Variants in DSCAML1 observed in about 807,000 individuals in gnomAD.
DSCAML1 encodes the protein DS cell adhesion molecule like 1.
DSCAML1 carries 38 observed loss-of-function variants against 200.5 expected under a neutral mutation model. That is an observed-to-expected ratio of 0.19 (90% CI 0.15 to 0.25). DSCAML1 has a LOEUF of 0.25. Among genes scored for constraint, DSCAML1 ranks in the 10% least tolerant of loss-of-function variants. The pLI, the probability that DSCAML1 is intolerant of heterozygous loss-of-function variation, is 1.00. For synonymous variants in DSCAML1, 1,215 were observed against 1,165.0 expected (o/e 1.04, Z -0.87); for missense variants, 2,223 against 2,858.8 (o/e 0.78, Z 5.07).
rs542521180 is a variant in DSCAML1, at chr11:117,747,692, T to G, written c.511+29099A>C. Among the ~76,000 whole-genome samples, 10 of 152,238 alleles carry G rather than the reference T, an allele frequency of 6.6e-5. No homozygotes were observed. In the East Asian group the frequency reaches 1.9e-3, roughly 29 times the overall value. ...TCAGGGACCTTGCAGCTTCTCAACC[T>G]CAGAGAGACCGCCTGTGTCCTCTGA... On this transcript the variant is annotated intron_variant, in intron 3 of 32. Coordinates refer to ENST00000651296, the MANE Select transcript of DSCAML1 (RefSeq NM_020693.4).
intron 23 of DSCAML1, 98 bp from the exon 24 acceptor site, chr11:117,439,081 C>T (rs771583003): frequency 2.2e-6 from 3 of 1,357,138 alleles, no homozygotes; most frequent in African/African-American, 1.5e-5. Context: ...CTCTCCCACA[C>T]CCTCACTCCC....
At chr11:117,763,994 C>T (rs1488851715) in intron 3 of DSCAML1, among the ~76,000 whole-genome samples, 1 of 152,162 alleles carries the variant, frequency 6.6e-6, no homozygotes. Context: ...AACTTGATTC[C>T]TTTCCTGCAC....
intron 3 of DSCAML1, among the ~76,000 whole-genome samples, chr11:117,746,564 C>T (rs7942226): frequency 0.79 from 119,717 of 152,142 alleles, 51,052 homozygotes; most frequent in Non-Finnish European, 0.94. Context: ...CCTCCCTCCG[C>T]GCTGCCATTG....
In DSCAML1 at chr11:117,428,547, G is replaced by A. The variant is rs558725278; in HGVS notation, c.5943C>T (p.Ala1981=). 4.6e-5 allele frequency: 70 copies of A among 1,534,874 alleles called. 1 individual carries two copies. Among genetic ancestry groups the A allele is most frequent in the South Asian group, 8.4e-5 (7 of 83,636 alleles). ...GGCCGGGGGCTGGGGGGGCTGTGCC[G>A]GCTGGGGGGGCTGGCATGGCCAGAG... The part of the protein sequence containing the change: ...QRTLAMPAPP[A]GTAPPAPGPT... Residue 1981 remains alanine (A), a synonymous_variant, in exon 33 of 33, where the codon GCC becomes GCT. Coordinates refer to ENST00000651296, the MANE Select transcript of DSCAML1 (RefSeq NM_020693.4).
chr11:117,610,852 C>CA (rs1555190087), intron 3 of DSCAML1, among the ~76,000 whole-genome samples: 11 of 123,644 alleles, frequency 8.9e-5, no homozygotes, highest in African/African-American at 1.4e-4. Flanking sequence ...CCCCCCCCCC[C>CA]ACAATGTGTT....
At chr11:117,697,159 C>A (rs1187620018) in intron 3 of DSCAML1, among the ~76,000 whole-genome samples, 3 of 152,198 alleles carry the variant, frequency 2.0e-5, no homozygotes, top group African/African-American at 7.2e-5. Flanking sequence ...AGCATTGAGT[C>A]AGCAGCACTA....
chr11:117,692,392 TA>T (rs1033344042), intron 3 of DSCAML1, among the ~76,000 whole-genome samples: 4 of 152,010 alleles, frequency 2.6e-5, no homozygotes, highest in African/African-American at 9.6e-5. Flanking sequence ...TACCAAAAGG[TA>T]AAGGCCTTTT....
At chr11:117,792,029 T>G (rs1374311262) in intron 1 of DSCAML1, among the ~76,000 whole-genome samples, 1 of 152,232 alleles carries the variant, frequency 6.6e-6, no homozygotes, top group African/African-American at 2.4e-5. Flanking sequence ...TCCAAATTTC[T>G]ACCACACCAG....
intron 32 of DSCAML1, among the ~76,000 whole-genome samples, chr11:117,429,412 C>A (rs1351101047): frequency 1.3e-5 from 2 of 151,698 alleles, no homozygotes; most frequent in African/African-American, 4.8e-5. Flanking sequence ...TTCCTAATTT[C>A]TTTTTTTTTG....
chr11:117,737,066 T>C (rs2054330249), intron 3 of DSCAML1, among the ~76,000 whole-genome samples: 1 of 152,096 alleles, frequency 6.6e-6, no homozygotes, highest in Non-Finnish European at 1.5e-5. Context: ...AGGCTCCAGG[T>C]GAGAGATCTG....
chr11:117,816,802 G>GT (rs1243468982), intron 1 of DSCAML1, among the ~76,000 whole-genome samples: 1 of 109,350 alleles, frequency 9.1e-6, no homozygotes, highest in East Asian at 2.8e-4. Flanking sequence ...AATTGCTGGG[G>GT]GGGTGGGGTG....
intron 14 of DSCAML1, among the ~76,000 whole-genome samples, chr11:117,476,284 C>T (rs968025379): frequency 5.3e-5 from 8 of 152,110 alleles, no homozygotes; most frequent in Non-Finnish European, 1.0e-4. Context: ...GTAGAGGGGA[C>T]GCAGCTTGGA....
At chr11:117,585,650 G>C (rs1464724871) in intron 3 of DSCAML1, among the ~76,000 whole-genome samples, 1 of 152,122 alleles carries the variant, frequency 6.6e-6, no homozygotes, top group African/African-American at 2.4e-5. Flanking sequence ...AGGACGATGG[G>C]GGTGTGACCC....
Position 117,749,143 on chromosome 11 carries a change from A to G in DSCAML1, c.511+27648T>C, listed in dbSNP as rs2054561901. Among the ~76,000 whole-genome samples, 3 of 152,322 alleles carry G rather than the reference A, an allele frequency of 2.0e-5. No individual in the cohort carries two copies. The East Asian group carries it at 5.8e-4, about 29-fold the overall frequency. On this transcript the variant is annotated intron_variant, in intron 3 of 32. Coordinates refer to ENST00000651296, the MANE Select transcript of DSCAML1 (RefSeq NM_020693.4). ...CGAAAGGATGAGGCCCAGAACTACC[A>G]GCTCCTCCTCCAGCCCCCTCTGCCC...
At position 117,448,638 on chromosome 11, in the gene DSCAML1, T is replaced by TGTGG. The variant is rs1555169781; in HGVS notation, c.3708+1910_3708+1911insCCAC. ...AGAGCCTAGAATGTGTGTGTGTGTG[T>TGTGG]GGGGGGTGGGTAGAGTTGGGGGGAG... On this transcript the variant is annotated intron_variant, in intron 20 of 32. Transcript: ENST00000651296. Among the ~76,000 whole-genome samples, 192 of 135,228 alleles carry TGTGG rather than the reference T, an allele frequency of 1.4e-3. 1 individual carries two copies. The highest frequency in any genetic ancestry group is 4.9e-3 in the African/African-American group (176 of 35,826). The allele number at this position is 135,228 out of a possible 152,430, so 88.7% of individuals were successfully genotyped here.
intron 3 of DSCAML1, among the ~76,000 whole-genome samples, chr11:117,564,507 C>T (rs1025498486): frequency 6.6e-6 from 1 of 152,182 alleles, no homozygotes; most frequent in Non-Finnish European, 1.5e-5. Context: ...GGCTTCTTTG[C>T]TGCCCCTGAA....
chr11:117,554,670 C>G (rs1445673262), intron 3 of DSCAML1, among the ~76,000 whole-genome samples: 1 of 152,194 alleles, frequency 6.6e-6, no homozygotes, highest in African/African-American at 2.4e-5. Context: ...AGCCACCGCG[C>G]CCGGCCTGGC....
At chr11:117,793,720 C>T (rs1364178334) in intron 1 of DSCAML1, among the ~76,000 whole-genome samples, 1 of 152,202 alleles carries the variant, frequency 6.6e-6, no homozygotes, top group Non-Finnish European at 1.5e-5. Flanking sequence ...AACTAAGCCT[C>T]TCTGTCCAGT....
intron 6 of DSCAML1, among the ~76,000 whole-genome samples, chr11:117,519,259 A>T (rs560805034): frequency 6.6e-6 from 1 of 152,194 alleles, no homozygotes; most frequent in Non-Finnish European, 1.5e-5. Context: ...GTCTGATTCC[A>T]GTTCCCTCTG....
Sources: allele counts gnomAD v4.1 joint callset (sites outside exome capture counted in the v4.1 genomes callset), GRCh38; gene constraint gnomAD v4.1.1; transcripts MANE v1.5; gene names NCBI Gene and HGNC (gene_info 2026-07-23, HGNC 2026-07-21).